GALNTL6: variants seen among roughly 807,000 people sequenced by gnomAD.
GALNTL6 encodes the protein polypeptide N-acetylgalactosaminyltransferase-like 6.
In GALNTL6, 46 loss-of-function variants were observed where a neutral mutation model predicts 73.7. The ratio of observed to expected loss-of-function variants is 0.62; its 90% CI spans 0.49 to 0.80. The LOEUF (loss-of-function observed/expected upper bound fraction) is 0.80, where lower values mean the gene tolerates loss of function less well. GALNTL6 is among the 30% of genes least tolerant of loss of function. GALNTL6 has a pLI of 0.00. For missense variants in GALNTL6, 604 were observed against 755.0 expected (o/e 0.80, Z 2.34); for synonymous variants, 259 against 263.7 (o/e 0.98, Z 0.17).
chr4:172,814,337 C>T (rs1308214370), intron 7 of GALNTL6, among the ~76,000 whole-genome samples: 1 of 152,090 alleles, frequency 6.6e-6, no homozygotes, highest in Non-Finnish European at 1.5e-5. Flanking sequence ...TAATTTCTAC[C>T]AAACGACATC....
intron 5 of GALNTL6, among the ~76,000 whole-genome samples, chr4:172,677,752 C>T (rs1732388548): frequency 6.6e-6 from 1 of 151,486 alleles, no homozygotes; most frequent in Admixed American, 6.6e-5. Flanking sequence ...GTGAGACCCC[C>T]ATCTCTACAA....
intron 5 of GALNTL6, among the ~76,000 whole-genome samples, chr4:172,503,574 T>C (rs1307978467): frequency 1.4e-5 from 2 of 144,450 alleles, no homozygotes; most frequent in Non-Finnish European, 3.0e-5. Flanking sequence ...TGAAAAGACT[T>C]GTGGTTCTAG....
chr4:172,277,306 C>A (rs1738868852), intron 3 of GALNTL6, among the ~76,000 whole-genome samples: 1 of 151,648 alleles, frequency 6.6e-6, no homozygotes. Context: ...TCTATGACAT[C>A]CTGCCTGCAG....
intron 5 of GALNTL6, among the ~76,000 whole-genome samples, chr4:172,491,580 A>T (rs1315508223): frequency 6.6e-6 from 1 of 152,112 alleles, no homozygotes; most frequent in Non-Finnish European, 1.5e-5. Context: ...TTGAGTATGA[A>T]GTTTACCAGG....
chr4:172,098,307 A>AT (rs1732414959), intron 2 of GALNTL6, among the ~76,000 whole-genome samples: 1 of 152,006 alleles, frequency 6.6e-6, no homozygotes, highest in Admixed American at 6.6e-5. Flanking sequence ...ATATGGCCTA[A>AT]TATTATCTAG....
intron 5 of GALNTL6, among the ~76,000 whole-genome samples, chr4:172,794,244 G>A (rs929809258): frequency 1.3e-5 from 2 of 152,082 alleles, no homozygotes; most frequent in African/African-American, 4.8e-5. Flanking sequence ...TCTAAAATTT[G>A]GGGGAGCTCT....
chr4:172,253,475 T>A (rs1737952670), intron 3 of GALNTL6, among the ~76,000 whole-genome samples: 1 of 152,010 alleles, frequency 6.6e-6, no homozygotes, highest in East Asian at 1.9e-4. Flanking sequence ...AAAGTCTGCT[T>A]TAGATTGAGA....
At chr4:171,911,154 T>A (rs1471626051) in intron 2 of GALNTL6, among the ~76,000 whole-genome samples, 2 of 152,196 alleles carry the variant, frequency 1.3e-5, no homozygotes, top group African/African-American at 4.8e-5. Context: ...GTATCTTTTT[T>A]AAAAATTTAT....
At chr4:171,856,304 G>A (rs1187379859) in intron 2 of GALNTL6, among the ~76,000 whole-genome samples, 5 of 151,120 alleles carry the variant, frequency 3.3e-5, no homozygotes, top group Admixed American at 6.6e-5. Flanking sequence ...AATTAGAGAC[G>A]GGGTTTTGCC....
rs70941382 is a variant in GALNTL6 at position 172,095,007 on chromosome 4, CA to C, written c.139-134636del. On this transcript the variant is annotated intron_variant, in intron 2 of 12. Coordinates refer to ENST00000506823, the MANE Select transcript of GALNTL6 (RefSeq NM_001034845.3). ...CACTTCTCCCACCCTTTTATGTTTT[CA>C]AAAAAAAAAAAATCACATGGGAAGT... Among the ~76,000 whole-genome samples the C allele has an allele frequency of 3.4e-3, 440 of 129,724 alleles. 1 individual carries two copies. Among genetic ancestry groups the C allele is most frequent in the African/African-American group, 4.9e-3 (175 of 35,814 alleles). The allele number at this position is 129,724 out of a possible 152,430, so 85.1% of individuals were successfully genotyped here.
At chr4:172,864,535 T>C (rs1185511594) in intron 7 of GALNTL6, among the ~76,000 whole-genome samples, 1 of 152,256 alleles carries the variant, frequency 6.6e-6, no homozygotes, top group African/African-American at 2.4e-5. Context: ...TGTGGGTCCA[T>C]TCTGCTTATA....
intron 5 of GALNTL6, among the ~76,000 whole-genome samples, chr4:172,544,348 C>T (rs1735677242): frequency 6.6e-6 from 1 of 152,176 alleles, no homozygotes; most frequent in South Asian, 2.1e-4. Flanking sequence ...CACATCTCTG[C>T]TATGAGTTGT....
intron 5 of GALNTL6, among the ~76,000 whole-genome samples, chr4:172,408,690 G>T (rs1005181117): frequency 6.6e-6 from 1 of 151,642 alleles, no homozygotes; most frequent in East Asian, 1.9e-4. Flanking sequence ...GAATTAAACT[G>T]ATGTTGTTAG....
intron 5 of GALNTL6, among the ~76,000 whole-genome samples, chr4:172,618,921 A>G (rs1738847372): frequency 6.6e-6 from 1 of 151,964 alleles, no homozygotes; most frequent in Non-Finnish European, 1.5e-5. Context: ...ACGGGGTTTC[A>G]CCATGTTGGC....
intron 2 of GALNTL6, among the ~76,000 whole-genome samples, chr4:172,218,498 A>C (rs1250472790): frequency 6.6e-6 from 1 of 152,022 alleles, no homozygotes; most frequent in African/African-American, 2.4e-5. Flanking sequence ...TTATCATTTA[A>C]GTGTTTTTAC....
chr4:173,023,716 T>TG (rs1270816797), intron 12 of GALNTL6, among the ~76,000 whole-genome samples: 90 of 151,564 alleles, frequency 5.9e-4, no homozygotes, highest in Non-Finnish European at 1.2e-4. Flanking sequence ...CAATCTAGAA[T>TG]GAAAGGAGCT....
At chr4:172,281,261 AAG>A (rs1739044782) in intron 3 of GALNTL6, among the ~76,000 whole-genome samples, 1 of 152,196 alleles carries the variant, frequency 6.6e-6, no homozygotes, top group African/African-American at 2.4e-5. Context: ...ATTTCATCTG[AAG>A]GCTCTAGAGG....
chr4:171,903,660 C>T (rs2110947421), intron 2 of GALNTL6, among the ~76,000 whole-genome samples: 1 of 148,424 alleles, frequency 6.7e-6, no homozygotes, highest in East Asian at 2.0e-4. Flanking sequence ...AGGAGGCCTG[C>T]CTGCCTCTGG....
intron 5 of GALNTL6, among the ~76,000 whole-genome samples, chr4:172,608,444 G>C (rs544953723): frequency 6.6e-6 from 1 of 152,162 alleles, no homozygotes; most frequent in Non-Finnish European, 1.5e-5. Context: ...GGTTGTAGGT[G>C]AGTTGCTTTG....
Sources: allele counts gnomAD v4.1 joint callset (sites outside exome capture counted in the v4.1 genomes callset), GRCh38; gene constraint gnomAD v4.1.1; transcripts MANE v1.5; gene names NCBI Gene and HGNC (gene_info 2026-07-23, HGNC 2026-07-21).